Variants in NUMB observed in about 807,000 individuals in gnomAD.
NUMB encodes the protein NUMB endocytic adaptor protein.
Under a neutral mutation model 59.7 loss-of-function variants are expected in NUMB, and 29 were observed. That is an observed-to-expected ratio of 0.49 (90% CI 0.36 to 0.66). NUMB has a LOEUF of 0.66. Among genes scored for constraint, NUMB ranks in the 30% least tolerant of loss-of-function variants. NUMB has a pLI of 0.00. For missense variants in NUMB, 723 were observed against 822.0 expected (o/e 0.88, Z 1.47); for synonymous variants, 288 against 288.2 (o/e 1.00, Z 0.01).
chr14:73,339,997 G>T (rs1276833568), intron 4 of NUMB, among the ~76,000 whole-genome samples: 1 of 149,000 alleles, frequency 6.7e-6, no homozygotes, highest in Non-Finnish European at 1.5e-5. Flanking sequence ...TGGTGGGGGG[G>T]ACACACTTGG....
chr14:73,354,845 TATAGTAA>T (rs924530454), intron 4 of NUMB, among the ~76,000 whole-genome samples: 9 of 57,474 alleles, frequency 1.6e-4, no homozygotes, highest in African/African-American at 4.5e-4. Context: ...AAAAGGAATA[TATAGTAA>T]ATAGTAAATA....
intron 6 of NUMB, among the ~76,000 whole-genome samples, chr14:73,303,503 C>A (rs1224677219): frequency 6.6e-6 from 1 of 151,934 alleles, no homozygotes; most frequent in Non-Finnish European, 1.5e-5. Flanking sequence ...TTGCTTGGAC[C>A]CAGGAGGCAG....
Position 73,425,530 on chromosome 14 carries a change from C to T in NUMB, c.-232-15462G>A, listed in dbSNP as rs918955257. Reference sequence around the variant, plus strand: ...CCTAAAATTAAATTTAAATGTCTCACCCAAGTGCCTCAAAACGTGCCGTAA... The same window carrying T: ...CCTAAAATTAAATTTAAATGTCTCATCCAAGTGCCTCAAAACGTGCCGTAA... On this transcript the variant is annotated intron_variant, in intron 1 of 12. Coordinates refer to ENST00000555238, the MANE Select transcript of NUMB (RefSeq NM_001005743.2). Among the ~76,000 whole-genome samples the T allele has an allele frequency of 4.6e-5, 7 of 152,124 alleles. No individual in the cohort carries two copies. In the South Asian group the frequency reaches 1.2e-3, roughly 27 times the overall value.
intron 7 of NUMB, among the ~76,000 whole-genome samples, chr14:73,296,364 C>T (rs1889769780): frequency 6.6e-6 from 1 of 151,680 alleles, no homozygotes; most frequent in Non-Finnish European, 1.5e-5. Flanking sequence ...TCGTTTGAAC[C>T]CAGGAGGTGG....
At chr14:73,337,453 G>T (rs967951889) in intron 4 of NUMB, among the ~76,000 whole-genome samples, 1 of 152,210 alleles carries the variant, frequency 6.6e-6, no homozygotes, top group Non-Finnish European at 1.5e-5. Context: ...AGTAAGCCAA[G>T]ATAGTGCCAC....
intron 1 of NUMB, among the ~76,000 whole-genome samples, chr14:73,447,560 G>A (rs1883608100): frequency 6.6e-6 from 1 of 151,164 alleles, no homozygotes; most frequent in African/African-American, 2.4e-5. Context: ...ACAATAGGCT[G>A]AGCACAGTGT....
chr14:73,275,224 T>A lies in NUMB; in HGVS notation c.*1354A>T, dbSNP rs1888075548. On this transcript the variant is annotated 3_prime_UTR_variant, in exon 13 of 13. Coordinates refer to ENST00000555238, the MANE Select transcript of NUMB (RefSeq NM_001005743.2). ...CCTTCATGGGCAAAAGCTTCTACCA[T>A]GAACATTTATTTTTGTTAAAGCAGA... is the stretch of plus-strand genomic sequence containing the variant. The A allele has an allele frequency of 6.6e-6, 1 of 152,650 alleles. No homozygotes were observed. Among genetic ancestry groups the A allele is most frequent in the South Asian group, 2.1e-4 (1 of 4,832 alleles). The allele number at this position is 152,650 out of a possible 1,614,324, so 9.5% of individuals were successfully genotyped here.
At chr14:73,348,342 G>A (rs1049880115) in intron 4 of NUMB, among the ~76,000 whole-genome samples, 1 of 152,216 alleles carries the variant, frequency 6.6e-6, no homozygotes, top group African/African-American at 2.4e-5. Context: ...CATTTGGAAA[G>A]GACAAAACAA....
rs562917885 is a variant in NUMB, at chr14:73,438,976, C to T, written c.-233+19517G>A. Reference sequence around the variant, plus strand: ...ATTAGCATTATTTCAGATATGAATACGCAACTTATCAAATGAAGTCAAAGT... The same window carrying T: ...ATTAGCATTATTTCAGATATGAATATGCAACTTATCAAATGAAGTCAAAGT... On this transcript the variant is annotated intron_variant, in intron 1 of 12. Coordinates refer to ENST00000555238, the MANE Select transcript of NUMB (RefSeq NM_001005743.2). Among the ~76,000 whole-genome samples, 11 of 152,210 alleles carry T rather than the reference C, an allele frequency of 7.2e-5. No homozygotes were observed. In the South Asian group the frequency reaches 2.3e-3, roughly 32 times the overall value.
intron 6 of NUMB, among the ~76,000 whole-genome samples, chr14:73,314,489 G>A (rs1890971743): frequency 6.6e-6 from 1 of 152,094 alleles, no homozygotes; most frequent in Non-Finnish European, 1.5e-5. Context: ...GTGTGATCCA[G>A]CTCAGCTACA....
chr14:73,277,928 T>C (rs1439560163), intron 12 of NUMB, among the ~76,000 whole-genome samples: 1 of 150,744 alleles, frequency 6.6e-6, no homozygotes, highest in Admixed American at 6.6e-5. Context: ...CGTGGTGGTA[T>C]GCATCTGTAG....
intron 1 of NUMB, among the ~76,000 whole-genome samples, chr14:73,417,237 A>G (rs1897165282): frequency 6.6e-6 from 1 of 152,126 alleles, no homozygotes; most frequent in Non-Finnish European, 1.5e-5. Flanking sequence ...GACTCAGGTA[A>G]CAAGAGGGCA....
At chr14:73,382,540 C>T (rs1336280277) in intron 2 of NUMB, among the ~76,000 whole-genome samples, 2 of 151,982 alleles carry the variant, frequency 1.3e-5, no homozygotes, top group Non-Finnish European at 1.5e-5. Flanking sequence ...TGACACATAC[C>T]CTAGGTACCT....
intron 12 of NUMB, 50 bp from the exon 13 acceptor site, chr14:73,277,343 C>CT (rs761671469): frequency 2.0e-5 from 27 of 1,352,972 alleles, no homozygotes; most frequent in Non-Finnish European, 2.8e-5. Flanking sequence ...GGCATCTTTC[C>CT]TCACCTTATA....
chr14:73,367,296 T>TATATATACACACAC (rs1406816784), intron 2 of NUMB, among the ~76,000 whole-genome samples: 18 of 121,000 alleles, frequency 1.5e-4, no homozygotes, highest in African/African-American at 6.6e-4. Flanking sequence ...TATATATATA[T>TATATATACACACAC]ACACACACAC....
At chr14:73,450,752 G>A (rs1401588178) in intron 1 of NUMB, among the ~76,000 whole-genome samples, 4 of 151,668 alleles carry the variant, frequency 2.6e-5, no homozygotes, top group Non-Finnish European at 4.4e-5. Context: ...TCGTGCCACA[G>A]CACTCCAGCC....
chr14:73,311,311 C>G (rs955753430), intron 6 of NUMB, among the ~76,000 whole-genome samples: 3 of 152,206 alleles, frequency 2.0e-5, no homozygotes, highest in Non-Finnish European at 4.4e-5. Context: ...GCCTCAGCCT[C>G]CCAAAGTGCT....
chr14:73,413,084 TTTATTA>T (rs200680564), intron 1 of NUMB, among the ~76,000 whole-genome samples: 1 of 150,724 alleles, frequency 6.6e-6, no homozygotes, highest in African/African-American at 2.4e-5. Context: ...ATTTTTATTA[TTTATTA>T]TTATTATTTT....
intron 2 of NUMB, among the ~76,000 whole-genome samples, chr14:73,408,874 T>A (rs1595003537): frequency 1.7e-5 from 2 of 120,528 alleles, no homozygotes; most frequent in East Asian, 2.3e-4. Flanking sequence ...CAAAACTCCT[T>A]CTCAAAAAAA....
Sources: allele counts gnomAD v4.1 joint callset (sites outside exome capture counted in the v4.1 genomes callset), GRCh38; gene constraint gnomAD v4.1.1; transcripts MANE v1.5; gene names NCBI Gene and HGNC (gene_info 2026-07-23, HGNC 2026-07-21).